MAP2K5: variants seen among roughly 807,000 people sequenced by gnomAD.
The protein encoded by MAP2K5 is mitogen-activated protein kinase kinase 5.
MAP2K5 carries 49 observed loss-of-function variants against 83.1 expected under a neutral mutation model. That is an observed-to-expected ratio of 0.59 (90% CI 0.47 to 0.75). The LOEUF (loss-of-function observed/expected upper bound fraction) is 0.75. MAP2K5 is among the 30% of genes least tolerant of loss of function. The probability of loss-of-function intolerance (pLI) is 0.00; values close to 1 mark genes in which losing one functional copy is unlikely to be tolerated. For missense variants in MAP2K5, 457 were observed against 557.5 expected (o/e 0.82, Z 1.82); for synonymous variants, 202 against 191.8 (o/e 1.05, Z -0.44).
At chr15:67,656,529 G>A (rs749216500) in intron 11 of MAP2K5, among the ~76,000 whole-genome samples, 7 of 151,878 alleles carry the variant, frequency 4.6e-5, no homozygotes, top group African/African-American at 1.7e-4. Context: ...GGGTTTTGCC[G>A]TGTCTCCTAG....
chr15:67,686,362 T>G (rs1437538550), intron 13 of MAP2K5, among the ~76,000 whole-genome samples: 2 of 152,050 alleles, frequency 1.3e-5, no homozygotes, highest in Non-Finnish European at 2.9e-5. Context: ...ATCCCAGCAC[T>G]TTGGGAGGCC....
At chr15:67,729,926 A>G (rs1400373308) in intron 17 of MAP2K5, among the ~76,000 whole-genome samples, 3 of 152,236 alleles carry the variant, frequency 2.0e-5, no homozygotes, top group African/African-American at 7.2e-5. Context: ...GAAAATTCTA[A>G]TACTATGCTG....
Position 67,779,087 on chromosome 15 carries a change from C to T in MAP2K5, c.1242+6335C>T, listed in dbSNP as rs191422722. Among the ~76,000 whole-genome samples, 8 of 152,256 alleles carry T rather than the reference C, an allele frequency of 5.3e-5. No homozygotes were observed. The East Asian group carries it at 1.5e-3, about 29-fold the overall frequency. On this transcript the variant is annotated intron_variant, in intron 21 of 21. Coordinates refer to ENST00000178640, the MANE Select transcript of MAP2K5 (RefSeq NM_145160.3). The surrounding 1 kb of genome is among the most constrained non-coding windows in gnomAD (Gnocchi z 4.6). ...TTTGGAAGTAGCTCATTAGCTATGC[C>T]GCCCAGAATTTGCAGTGAGAAATAC... is the stretch of plus-strand genomic sequence containing the variant.
At chr15:67,593,509 G>A (rs1489648083) in intron 7 of MAP2K5, among the ~76,000 whole-genome samples, 1 of 152,136 alleles carries the variant, frequency 6.6e-6, no homozygotes, top group Non-Finnish European at 1.5e-5. Flanking sequence ...AAGCCTTCAG[G>A]CCAGTTATTT....
chr15:67,551,447 C>G (rs1181378605), intron 2 of MAP2K5, among the ~76,000 whole-genome samples: 4 of 152,176 alleles, frequency 2.6e-5, no homozygotes, highest in Non-Finnish European at 5.9e-5. Flanking sequence ...ATCCTCCCAC[C>G]TCAGCCTCCC....
intron 9 of MAP2K5, among the ~76,000 whole-genome samples, chr15:67,642,757 TTGAA>T (rs1224916386): frequency 6.6e-6 from 1 of 152,190 alleles, no homozygotes; most frequent in Non-Finnish European, 1.5e-5. Flanking sequence ...GAAGAATTCC[TTGAA>T]TGTCATGCTA....
At chr15:67,647,911 G>C (rs941471119) in intron 11 of MAP2K5, among the ~76,000 whole-genome samples, 11 of 151,102 alleles carry the variant, frequency 7.3e-5, no homozygotes, top group African/African-American at 2.7e-4. Context: ...ATGGTGGTAC[G>C]GGCCTGTAGT....
chr15:67,593,872 C>T (rs1773147887), intron 7 of MAP2K5, among the ~76,000 whole-genome samples: 1 of 152,226 alleles, frequency 6.6e-6, no homozygotes, highest in South Asian at 2.1e-4. Context: ...CTCTCCAAGC[C>T]TCACTGGCAT....
chr15:67,628,080 A>T lies in MAP2K5; in HGVS notation c.546-2808A>T, dbSNP rs1308597445. ...TGCAGCCATGAATGCAAGGCCACGCAAGGTGGACGGAAGAGCTGTGGGAAC... is the reference window on the plus strand; with the variant it reads ...TGCAGCCATGAATGCAAGGCCACGCTAGGTGGACGGAAGAGCTGTGGGAAC... On this transcript the variant is annotated intron_variant, in intron 8 of 21. Transcript: ENST00000178640. The T allele has an allele frequency of 8.0e-6, 6 of 748,736 alleles. No homozygotes were observed. The African/African-American group carries it at 8.6e-5, about 11-fold the overall frequency. The allele number at this position is 748,736 out of a possible 1,614,324, so 46.4% of individuals were successfully genotyped here.
chr15:67,727,864 A>G (rs1392411275), intron 16 of MAP2K5, 52 bp from the exon 17 acceptor site: 14 of 1,387,234 alleles, frequency 1.0e-5, no homozygotes, highest in Non-Finnish European at 1.2e-5. Context: ...TCTTAAGGAG[A>G]TCTGCCCTGC....
intron 17 of MAP2K5, among the ~76,000 whole-genome samples, chr15:67,735,877 C>T (rs1229560489): frequency 1.3e-5 from 2 of 152,162 alleles, no homozygotes; most frequent in African/African-American, 2.4e-5. Flanking sequence ...ATCTCTCCCT[C>T]CTAGGCTCTG....
chr15:67,666,050 C>A (rs146374999), intron 13 of MAP2K5, among the ~76,000 whole-genome samples: 119 of 152,274 alleles, frequency 7.8e-4, no homozygotes, highest in African/African-American at 2.7e-3. Flanking sequence ...AAATGGACAT[C>A]TATCCATTTG....
At chr15:67,731,158 G>A (rs1257335010) in intron 17 of MAP2K5, among the ~76,000 whole-genome samples, 1 of 152,204 alleles carries the variant, frequency 6.6e-6, no homozygotes, top group African/African-American at 2.4e-5. Flanking sequence ...TTGGAGCAGA[G>A]TATAAAATGA....
intron 6 of MAP2K5, chr15:67,588,239 A>C: frequency 4.2e-6 from 1 of 237,934 alleles, no homozygotes; most frequent in Non-Finnish European, 6.8e-6. Context: ...TGATGAACAC[A>C]TAGTGCCCTG....
At chr15:67,553,709 C>T (rs749711669) in intron 2 of MAP2K5, among the ~76,000 whole-genome samples, 12 of 151,412 alleles carry the variant, frequency 7.9e-5, no homozygotes, top group Non-Finnish European at 1.5e-4. Flanking sequence ...GTCAGGAGAT[C>T]GAGACCATCC....
chr15:67,670,691 T>C (rs2087508612), intron 13 of MAP2K5, among the ~76,000 whole-genome samples: 1 of 151,836 alleles, frequency 6.6e-6, no homozygotes, highest in African/African-American at 2.4e-5. Context: ...AGTAACTCAG[T>C]AGCTTAAAAA....
chr15:67,686,033 G>C (rs573078042), intron 13 of MAP2K5, among the ~76,000 whole-genome samples: 4 of 152,172 alleles, frequency 2.6e-5, no homozygotes, highest in Non-Finnish European at 5.9e-5. Flanking sequence ...AAATAGTAGA[G>C]ATTAGTGGAA....
rs1052559756 is a variant in MAP2K5 at position 67,565,670 on chromosome 15, T to C, written c.252+2320T>C. Among the ~76,000 whole-genome samples the C allele has an allele frequency of 6.6e-6, 1 of 152,258 alleles. No homozygotes were observed. Among genetic ancestry groups the C allele is most frequent in the African/African-American group, 2.4e-5 (1 of 41,478 alleles). On this transcript the variant is annotated intron_variant, in intron 3 of 21. Transcript: ENST00000178640. This position sits in a 1 kb window ranked among gnomAD's most constrained non-coding sequence, Gnocchi z 4.1. ...ATTTTTGTGTTGTAGGAAAATATGA[T>C]TACATAATCTTACATTACATGTCCT...
At chr15:67,646,548 A>G in intron 11 of MAP2K5, 79 bp downstream of exon 11, 1 of 682,736 alleles carries the variant, frequency 1.5e-6, no homozygotes, top group Non-Finnish European at 2.4e-6. Flanking sequence ...TGATATAGAT[A>G]TCAAATAGAA....
Sources: allele counts gnomAD v4.1 joint callset (sites outside exome capture counted in the v4.1 genomes callset), GRCh38; gene constraint gnomAD v4.1.1; non-coding constraint Gnocchi (gnomAD v3.1); transcripts MANE v1.5; gene names NCBI Gene and HGNC (gene_info 2026-07-23, HGNC 2026-07-21).